Variants in TUSC3 observed in about 807,000 individuals in gnomAD.
TUSC3 encodes dolichyl-diphosphooligosaccharide--protein glycosyltransferase subunit TUSC3.
In TUSC3, 45 loss-of-function variants were observed where a neutral mutation model predicts 44.8. The ratio of observed to expected loss-of-function variants is 1.00; its 90% CI spans 0.79 to 1.29. TUSC3 has a LOEUF of 1.29. Ranked by LOEUF, TUSC3 falls within the 50% of genes most tolerant of loss-of-function variation. The pLI is 0.00. For missense variants in TUSC3, 519 were observed against 437.9 expected (o/e 1.19, Z -1.65); for synonymous variants, 212 against 152.9 (o/e 1.39, Z -2.85).
intron 1 of TUSC3, among the ~76,000 whole-genome samples, chr8:15,460,476 CTG>C (rs1415740410): frequency 6.6e-6 from 1 of 152,124 alleles, no homozygotes; most frequent in Non-Finnish European, 1.5e-5. Flanking sequence ...TTCTCCCACT[CTG>C]TGGGTTGTCT....
At chr8:15,844,664 C>T in the TUSC3 span, among the ~76,000 whole-genome samples, 345 of 152,210 alleles carry the variant, frequency 2.3e-3, 1 homozygote, top group African/African-American at 7.7e-3. Flanking sequence ...GCATTGTAAC[C>T]TCCAGTCACC....
At chr8:15,744,165 T>C (rs1811309682) in intron 8 of TUSC3, among the ~76,000 whole-genome samples, 2 of 152,196 alleles carry the variant, frequency 1.3e-5, no homozygotes, top group Admixed American at 1.3e-4. Context: ...TATACCAAGA[T>C]TTACAACTCC....
chr8:15,643,530 G>A (rs1806483068), intron 2 of TUSC3, among the ~76,000 whole-genome samples: 1 of 151,742 alleles, frequency 6.6e-6, no homozygotes, highest in South Asian at 2.1e-4. Context: ...TTTAAAATAT[G>A]TATTTGGATC....
chr8:15,851,604 C>T, the TUSC3 span, among the ~76,000 whole-genome samples: 4 of 152,164 alleles, frequency 2.6e-5, no homozygotes, highest in Non-Finnish European at 4.4e-5. Context: ...GGGACTGAAC[C>T]TTGATTGCTC....
At chr8:15,434,083 A>C (rs1407856951) in intron 1 of TUSC3, among the ~76,000 whole-genome samples, 1 of 152,206 alleles carries the variant, frequency 6.6e-6, no homozygotes, top group African/African-American at 2.4e-5. Flanking sequence ...TAGCAACGTG[A>C]GAGAATTCCA....
chr8:15,619,751 C>T (rs931076339), intron 1 of TUSC3, among the ~76,000 whole-genome samples: 3 of 152,150 alleles, frequency 2.0e-5, no homozygotes, highest in Non-Finnish European at 2.9e-5. Flanking sequence ...ACCTTGTGAG[C>T]TGCCTGCCTC....
At chr8:15,574,723 G>A (rs1356843169) in intron 1 of TUSC3, among the ~76,000 whole-genome samples, 1 of 151,936 alleles carries the variant, frequency 6.6e-6, no homozygotes. Flanking sequence ...TTTCTTTTGA[G>A]AATTTGAGAG....
chr8:15,560,622 C>G (rs1256854479), intron 1 of TUSC3, among the ~76,000 whole-genome samples: 6 of 124,416 alleles, frequency 4.8e-5, no homozygotes, highest in African/African-American at 1.7e-4. Context: ...TCCATTCTCC[C>G]CATCACTTTC....
chr8:15,581,799 G>A (rs1473682580), intron 1 of TUSC3, among the ~76,000 whole-genome samples: 2 of 134,092 alleles, frequency 1.5e-5, no homozygotes, highest in South Asian at 2.4e-4. Context: ...CCCAGAGGTG[G>A]AGCCTACAGA....
intron 1 of TUSC3, among the ~76,000 whole-genome samples, chr8:15,583,309 A>G (rs567960921): frequency 2.0e-5 from 3 of 152,358 alleles, no homozygotes; most frequent in African/African-American, 7.2e-5. Flanking sequence ...GTTTAAGTTC[A>G]TAGTCATTTT....
At chr8:15,758,127 T>C (rs1585310831) in intron 10 of TUSC3, 1 of 1,167,730 alleles carries the variant, frequency 8.6e-7, no homozygotes, top group East Asian at 4.3e-5. Flanking sequence ...ATATACTTTC[T>C]TAACTTCTGT....
At chr8:15,573,295 G>C (rs1301599171) in intron 1 of TUSC3, among the ~76,000 whole-genome samples, 1 of 146,904 alleles carries the variant, frequency 6.8e-6, no homozygotes, top group African/African-American at 2.5e-5. Context: ...TATTCTGTTT[G>C]AGAAAGGGAG....
intron 1 of TUSC3, among the ~76,000 whole-genome samples, chr8:15,424,981 T>C (rs182252617): frequency 1.2e-3 from 182 of 152,266 alleles, no homozygotes; most frequent in African/African-American, 4.1e-3. Context: ...CATTGTATAT[T>C]ACAAAGGTCT....
At chr8:15,440,555 A>T (rs1800007772) in intron 1 of TUSC3, among the ~76,000 whole-genome samples, 1 of 152,228 alleles carries the variant, frequency 6.6e-6, no homozygotes, top group South Asian at 2.1e-4. Context: ...CAAACAGACT[A>T]GTTAGAAGTC....
intron 4 of TUSC3, among the ~76,000 whole-genome samples, chr8:15,660,642 A>C (rs2129179453): frequency 6.6e-6 from 1 of 152,052 alleles, no homozygotes; most frequent in South Asian, 2.1e-4. Context: ...GTAATTGCCC[A>C]CATGGTACCA....
chr8:15,472,206 A>C (rs1180280710), intron 1 of TUSC3, among the ~76,000 whole-genome samples: 1 of 152,200 alleles, frequency 6.6e-6, no homozygotes, highest in Non-Finnish European at 1.5e-5. Flanking sequence ...TCTTAACTTA[A>C]TGCCTAAAAC....
chr8:15,805,838 G>A, the TUSC3 span, among the ~76,000 whole-genome samples: 2 of 152,194 alleles, frequency 1.3e-5, no homozygotes, highest in East Asian at 3.9e-4. Context: ...AATGAGTTAG[G>A]GAGGAGTCCC....
chr8:15,701,767 A>C (rs1236696293), intron 6 of TUSC3, among the ~76,000 whole-genome samples: 1 of 152,150 alleles, frequency 6.6e-6, no homozygotes, highest in South Asian at 2.1e-4. Flanking sequence ...GGATTAGGCA[A>C]ATTCTGTGAT....
In TUSC3 at chr8:15,652,050, A is replaced by C. The variant is rs1013230334; in HGVS notation, c.426+1236A>C. 5.9e-5 allele frequency among the ~76,000 whole-genome samples: 9 copies of C among 152,188 alleles called. No individual in the cohort carries two copies. The East Asian group carries it at 1.7e-3, about 29-fold the overall frequency. On this transcript the variant is annotated intron_variant, in intron 3 of 10. Transcript: ENST00000503731. ...AATGTGTAACTAGAATTTGAACTCA[A>C]CTGTGTGGCTCCCAGAGCCCTAGCC...
Sources: allele counts gnomAD v4.1 joint callset (sites outside exome capture counted in the v4.1 genomes callset), GRCh38; gene constraint gnomAD v4.1.1; transcripts MANE v1.5; gene names NCBI Gene and HGNC (gene_info 2026-07-23, HGNC 2026-07-21).